KNDC1: variants seen among roughly 807,000 people sequenced by gnomAD.
KNDC1 encodes the protein kinase non-catalytic C-lobe domain containing 1, also known as kinase non-catalytic C-lobe domain-containing protein 1.
Under a neutral mutation model 172.8 loss-of-function variants are expected in KNDC1, and 106 were observed. That is an observed-to-expected ratio of 0.61 (90% CI 0.52 to 0.72). The LOEUF is 0.72. KNDC1 is among the 30% of genes least tolerant of loss of function. KNDC1 has a pLI of 0.00. For synonymous variants in KNDC1, 1,083 were observed against 1,062.2 expected (o/e 1.02, Z -0.38); for missense variants, 2,325 against 2,394.5 (o/e 0.97, Z 0.61).
chr10:133,184,692 T>C (rs1428412767), intron 5 of KNDC1, among the ~76,000 whole-genome samples: 1 of 152,278 alleles, frequency 6.6e-6, no homozygotes, highest in African/African-American at 2.4e-5. Context: ...CACTCTCATG[T>C]GCATCATGTT....
At position 133,198,573 on chromosome 10, in the gene KNDC1, C is replaced by T. The variant is rs770531990; in HGVS notation, c.2070-5C>T. 4.3e-5 allele frequency: 68 copies of T among 1,584,098 alleles called. No individual in the cohort carries two copies. The highest frequency in any genetic ancestry group is 5.0e-5 in the Non-Finnish European group (58 of 1,163,282). On this transcript the variant is annotated splice_polypyrimidine_tract_variant and splice_region_variant and intron_variant, in intron 13 of 29. Coordinates refer to ENST00000304613, the MANE Select transcript of KNDC1 (RefSeq NM_152643.8). ...AGCCCCTCCTGAGCTCTGCTCCTCC[C>T]GTAGGGACCAGCCTGCCTTGGCCCA...
chr10:133,216,000 C>T (rs1177092300), intron 26 of KNDC1, among the ~76,000 whole-genome samples: 1 of 152,256 alleles, frequency 6.6e-6, no homozygotes, highest in South Asian at 2.1e-4. Context: ...GCACCACGCT[C>T]GTCCATCTAA....
chr10:133,223,588 G>A (rs1445482054), intron 29 of KNDC1, among the ~76,000 whole-genome samples: 1 of 54,108 alleles, frequency 1.8e-5, no homozygotes, highest in Non-Finnish European at 3.3e-5. Flanking sequence ...TGCTCTTCCC[G>A]GCGTGTGTGT....
intron 20 of KNDC1, among the ~76,000 whole-genome samples, chr10:133,208,785 G>A (rs968892036): frequency 5.9e-5 from 9 of 152,194 alleles, no homozygotes; most frequent in East Asian, 1.9e-4. Context: ...AGTGTGGTGC[G>A]TTCTTGGTGT....
Position 133,160,497 on chromosome 10 carries a change from T to C in KNDC1, c.30T>C (p.Asp10=). 2 of 1,588,724 alleles carry C rather than the reference T, an allele frequency of 1.3e-6. No individual in the cohort carries two copies. The highest frequency in any genetic ancestry group is 1.7e-6 in the Non-Finnish European group (2 of 1,169,552). MQAMDPAAA[D]LYEEDGKDLD... The stretch of plus-strand genomic sequence containing the variant: ...AGGCCATGGACCCGGCCGCGGCGGA[T>C]CTTTACGAGGAGGACGGCAAAGACC... The change falls in exon 1 of 30, where the codon GAT becomes GAC. Residue 10 remains aspartate (D), a synonymous_variant. Coordinates refer to ENST00000304613, the MANE Select transcript of KNDC1 (RefSeq NM_152643.8).
intron 21 of KNDC1, 108 bp from the exon 22 acceptor site, chr10:133,211,314 T>C: frequency 2.7e-6 from 2 of 735,112 alleles, no homozygotes; most frequent in Non-Finnish European, 3.9e-6. Context: ...CCTGCACACA[T>C]GGAGCCTGGT....
chr10:133,219,093 A>G lies in KNDC1; in HGVS notation c.4860+3A>G, dbSNP rs1374936481. ...TGGAGGAGCTGAAAGCCGTGGAGGT[A>G]CCAGCACTTTACGTGGCCGGGCGGC... On this transcript the variant is annotated splice_donor_region_variant and intron_variant, in intron 28 of 29. Transcript: ENST00000304613. 1.2e-6 allele frequency: 2 copies of G among 1,613,348 alleles called. No individual in the cohort carries two copies. The highest frequency in any genetic ancestry group is 1.7e-6 in the Non-Finnish European group (2 of 1,179,814).
chr10:133,198,136 G>A (rs765233300), intron 12 of KNDC1, among the ~76,000 whole-genome samples: 4 of 152,118 alleles, frequency 2.6e-5, no homozygotes, highest in Non-Finnish European at 4.4e-5. Flanking sequence ...GCCCGTCCCC[G>A]CCTGCTGGCC....
intron 3 of KNDC1, among the ~76,000 whole-genome samples, chr10:133,170,924 G>T: frequency 6.6e-6 from 1 of 152,022 alleles, no homozygotes; most frequent in Non-Finnish European, 1.5e-5. Flanking sequence ...TGCCGTCTCG[G>T]CATCATTACA....
intron 17 of KNDC1, among the ~76,000 whole-genome samples, chr10:133,205,528 T>C (rs114120507): frequency 3.0e-4 from 46 of 152,342 alleles, no homozygotes; most frequent in African/African-American, 1.1e-3. Flanking sequence ...TCATGCTCTA[T>C]GGAGCACCCA....
chr10:133,186,574 C>T lies in KNDC1; in HGVS notation c.1226C>T (p.Pro409Leu), dbSNP rs755147438. 1.9e-6 allele frequency: 3 copies of T among 1,608,282 alleles called. No individual in the cohort carries two copies. The East Asian group carries it at 6.7e-5, about 36-fold the overall frequency. ...CCCAGCCAGGGGCCAGCAGAGGCCC[C>T]TGCAGACCCTCGAGATGCTAGCGGT... ...SHPSQGPAEAPADPRDASGEA... is the reference protein window; with the variant it reads ...SHPSQGPAEALADPRDASGEA... The change falls in exon 6 of 30, where the codon CCT becomes CTT. Residue 409 changes from proline (P) to leucine (L), a missense_variant. By Grantham distance (98) the Pro-to-Leu change is moderately conservative. Coordinates refer to ENST00000304613, the MANE Select transcript of KNDC1 (RefSeq NM_152643.8).
At chr10:133,197,414 C>T (rs1186737085) in intron 11 of KNDC1, among the ~76,000 whole-genome samples, 1 of 152,190 alleles carries the variant, frequency 6.6e-6, no homozygotes, top group Non-Finnish European at 1.5e-5. Context: ...GGAGTGTGGG[C>T]CCTGAGTCTC....
At chr10:133,194,180 C>A (rs984680364) in intron 9 of KNDC1, among the ~76,000 whole-genome samples, 1 of 152,204 alleles carries the variant, frequency 6.6e-6, no homozygotes, top group Non-Finnish European at 1.5e-5. Flanking sequence ...TGAGCCATAA[C>A]GCAAACCTCA....
chr10:133,225,164 A>AAATGAT lies in KNDC1; in HGVS notation c.*275_*276insATGATA. On this transcript the variant is annotated 3_prime_UTR_variant, in exon 30 of 30. Transcript: ENST00000304613. ...AAGTTAAATTTAAAAATGAAAATGA[A>AAATGAT]AGACAGCTTCCCAGGAGTTTTGTGC... 2 of 422,056 alleles carry AAATGAT rather than the reference A, an allele frequency of 4.7e-6. No individual in the cohort carries two copies. Among genetic ancestry groups the AAATGAT allele is most frequent in the Non-Finnish European group, 8.8e-6 (2 of 227,272 alleles). The allele number at this position is 422,056 out of a possible 1,614,324, so 26.1% of individuals were successfully genotyped here.
intron 5 of KNDC1, 103 bp downstream of exon 5, chr10:133,184,092 A>C (rs1853808126): frequency 8.2e-6 from 5 of 609,522 alleles, no homozygotes; most frequent in African/African-American, 1.9e-5. Flanking sequence ...ACACACACAC[A>C]CTGCACACAC....
At chr10:133,161,880 G>T (rs566876958) in intron 1 of KNDC1, among the ~76,000 whole-genome samples, 45 of 152,304 alleles carry the variant, frequency 3.0e-4, no homozygotes, top group African/African-American at 9.4e-4. Flanking sequence ...TCCCCGCTCC[G>T]CACACGGAGG....
At chr10:133,181,169 G>A (rs905104757) in intron 3 of KNDC1, among the ~76,000 whole-genome samples, 1 of 151,860 alleles carries the variant, frequency 6.6e-6, no homozygotes, top group African/African-American at 2.4e-5. Flanking sequence ...ACGCCACACG[G>A]GGCACCCACA....
chr10:133,211,792 C>G lies in KNDC1; in HGVS notation c.4170C>G (p.Ala1390=). The G allele has an allele frequency of 6.2e-7, 1 of 1,610,808 alleles. No individual in the cohort carries two copies. Among genetic ancestry groups the G allele is most frequent in the Non-Finnish European group, 8.5e-7 (1 of 1,179,354 alleles). Residue 1390 remains alanine (A), a synonymous_variant, in exon 23 of 30, where the codon GCC becomes GCG. Transcript: ENST00000304613. The stretch of plus-strand genomic sequence containing the variant: ...CAGACCTGGAGAACCCCAGGGAGGC[C>G]GAGGAGGATGCCAGACCCTTCAACG... The part of the protein sequence containing the change: ...RGTDLENPRE[A]EEDARPFNAL...
chr10:133,177,203 G>C (rs1564878120), intron 3 of KNDC1, among the ~76,000 whole-genome samples: 1 of 151,898 alleles, frequency 6.6e-6, no homozygotes, highest in East Asian at 1.9e-4. Context: ...CGTGTATGTA[G>C]TATAGTGTGT....
Sources: allele counts gnomAD v4.1 joint callset (sites outside exome capture counted in the v4.1 genomes callset), GRCh38; gene constraint gnomAD v4.1.1; transcripts MANE v1.5; gene names NCBI Gene and HGNC (gene_info 2026-07-23, HGNC 2026-07-21).